The following FOXP1 variants were observed in gnomAD, a reference collection of about 807,000 sequenced individuals.
FOXP1 encodes the protein forkhead box P1, also known as forkhead box protein P1.
A neutral mutation model predicts 98.2 loss-of-function variants in FOXP1; 15 were observed. The ratio of observed to expected loss-of-function variants is 0.15; its 90% CI spans 0.10 to 0.24. The LOEUF is 0.24. Ranked by LOEUF, FOXP1 falls within the 10% of genes least tolerant of loss-of-function variation. The pLI is 1.00. For missense variants in FOXP1, 633 were observed against 848.5 expected (o/e 0.75, Z 3.15); for synonymous variants, 371 against 314.5 (o/e 1.18, Z -1.90).
Position 71,174,282 on chromosome 3 carries a change from T to A in FOXP1, c.180+23920A>T, listed in dbSNP as rs1217421055. On this transcript the variant is annotated intron_variant, in intron 6 of 20. Transcript: ENST00000649528. ...CTTCCCAATAACTGATAGTGAGAAT[T>A]TAAGAGTAAGCTGGGTGCAGCGGCA... Among the ~76,000 whole-genome samples the A allele has an allele frequency of 2.6e-5, 4 of 152,004 alleles. No homozygotes were observed. In the East Asian group the frequency reaches 7.7e-4, roughly 29 times the overall value.
chr3:71,403,530 A>C (rs2082086345), intron 3 of FOXP1, among the ~76,000 whole-genome samples: 1 of 152,246 alleles, frequency 6.6e-6, no homozygotes, highest in African/African-American at 2.4e-5. Context: ...TTTATAGGAA[A>C]GAGTTTATTC....
At chr3:71,134,209 G>A (rs6784856) in intron 6 of FOXP1, among the ~76,000 whole-genome samples, 1,772 of 152,286 alleles carry the variant, frequency 0.012, 37 homozygotes, top group African/African-American at 0.04. Context: ...TAAGGTGGCC[G>A]TTAGAGCAGC....
upstream of FOXP1, chr3:71,583,831 C>G (rs1373177592): frequency 1.0e-6 from 1 of 987,786 alleles, no homozygotes; most frequent in Non-Finnish European, 1.2e-6. Flanking sequence ...GCGGCAGAGG[C>G]GCGGGCAGCA....
intron 2 of FOXP1, among the ~76,000 whole-genome samples, chr3:71,564,998 T>C (rs1578199593): frequency 6.6e-6 from 1 of 151,866 alleles, no homozygotes; most frequent in African/African-American, 2.4e-5. Flanking sequence ...GCCTGTAGTC[T>C]CAGAGGCAGG....
chr3:71,312,559 C>T (rs1166073862), intron 4 of FOXP1, among the ~76,000 whole-genome samples: 1 of 152,204 alleles, frequency 6.6e-6, no homozygotes, highest in African/African-American at 2.4e-5. Flanking sequence ...CTCAGTGGCT[C>T]ACACCTGCAA....
intron 3 of FOXP1, among the ~76,000 whole-genome samples, chr3:71,360,223 A>G (rs964636489): frequency 6.6e-6 from 1 of 152,222 alleles, no homozygotes; most frequent in African/African-American, 2.4e-5. Flanking sequence ...GCCTATCTCA[A>G]TGCACTCAGT....
At chr3:71,061,204 G>A (rs549995049) in intron 7 of FOXP1, among the ~76,000 whole-genome samples, 2 of 152,230 alleles carry the variant, frequency 1.3e-5, no homozygotes, top group East Asian at 1.9e-4. Context: ...CCAGAAATAC[G>A]CTGCTTCCAA....
chr3:71,169,104 T>C (rs530406718), intron 6 of FOXP1, among the ~76,000 whole-genome samples: 393 of 152,312 alleles, frequency 2.6e-3, no homozygotes, highest in Middle Eastern at 6.8e-3. Context: ...GGGTTAAGCA[T>C]AGATACCTGC....
At chr3:71,122,667 C>T (rs2058862816) in intron 6 of FOXP1, among the ~76,000 whole-genome samples, 1 of 152,148 alleles carries the variant, frequency 6.6e-6, no homozygotes, top group African/African-American at 2.4e-5. Flanking sequence ...TTTCTTGTTC[C>T]CAACTTTTCT....
At chr3:71,030,767 C>T (rs993278439) in intron 11 of FOXP1, among the ~76,000 whole-genome samples, 5 of 152,164 alleles carry the variant, frequency 3.3e-5, no homozygotes, top group Admixed American at 2.0e-4. Flanking sequence ...CTAATTTATT[C>T]AAACGCCACT....
chr3:71,301,767 T>C (rs930357434), intron 4 of FOXP1, among the ~76,000 whole-genome samples: 71 of 152,290 alleles, frequency 4.7e-4, no homozygotes, highest in African/African-American at 1.7e-3. Flanking sequence ...TTATCTCCAG[T>C]GCTGCATTTG....
chr3:71,581,619 TC>T lies in FOXP1; in HGVS notation c.-369del, dbSNP rs1056452253. ...GGAGGAGGCGCCGGCAGCACCATGGTCCCCGGCGCCGCTGCCGCTGCCCCCG... is the reference window on the plus strand; with the variant it reads ...GGAGGAGGCGCCGGCAGCACCATGGTCCCGGCGCCGCTGCCGCTGCCCCCG... On this transcript the variant is annotated 5_prime_UTR_variant, in exon 2 of 21. Coordinates refer to ENST00000649528, the MANE Select transcript of FOXP1 (RefSeq NM_001349338.3). 2 of 985,464 alleles carry T rather than the reference TC, an allele frequency of 2.0e-6. No homozygotes were observed. The highest frequency in any genetic ancestry group is 4.6e-5 in the South Asian group (1 of 21,520). 61.0% of individuals were successfully genotyped at this position (985,464 alleles called of 1,614,324 possible). A position where few individuals can be genotyped will look rare whatever the true frequency, so the allele number is the denominator to read the frequency against.
At chr3:71,050,674 A>C (rs1559817141) in intron 9 of FOXP1, among the ~76,000 whole-genome samples, 2 of 152,234 alleles carry the variant, frequency 1.3e-5, no homozygotes, top group African/African-American at 4.8e-5. Context: ...TGTGCTTCAA[A>C]AGTGGGTTTT....
At chr3:71,360,385 C>T (rs1434840866) in intron 3 of FOXP1, 1 of 152,114 alleles carries the variant, frequency 6.6e-6, no homozygotes, top group Non-Finnish European at 1.5e-5. Context: ...CAAAAGGAGA[C>T]TGTGACACAC....
At chr3:71,171,340 C>A (rs774720523) in intron 6 of FOXP1, among the ~76,000 whole-genome samples, 1 of 152,188 alleles carries the variant, frequency 6.6e-6, no homozygotes, top group African/African-American at 2.4e-5. Flanking sequence ...GACAGAAACT[C>A]TTTAAGTACC....
chr3:71,250,588 A>G (rs977535690), intron 5 of FOXP1, among the ~76,000 whole-genome samples: 1 of 152,228 alleles, frequency 6.6e-6, no homozygotes, highest in African/African-American at 2.4e-5. Context: ...CATATTCATT[A>G]AAAATTGTAT....
chr3:71,408,798 T>C (rs546570525), intron 3 of FOXP1, among the ~76,000 whole-genome samples: 1 of 152,284 alleles, frequency 6.6e-6, no homozygotes, highest in South Asian at 2.1e-4. Context: ...AGATCCCGGT[T>C]TCTAATTACT....
intron 6 of FOXP1, among the ~76,000 whole-genome samples, chr3:71,168,723 A>C (rs955938554): frequency 2.0e-5 from 3 of 152,236 alleles, no homozygotes; most frequent in African/African-American, 7.2e-5. Flanking sequence ...TGAACAGTGA[A>C]ATGTTTAACA....
At chr3:71,238,430 G>C (rs1341228409) in intron 5 of FOXP1, among the ~76,000 whole-genome samples, 1 of 151,948 alleles carries the variant, frequency 6.6e-6, no homozygotes, top group East Asian at 1.9e-4. Flanking sequence ...CTCTAAAGGG[G>C]TGTGGGGGGG....
Sources: allele counts gnomAD v4.1 joint callset (sites outside exome capture counted in the v4.1 genomes callset), GRCh38; gene constraint gnomAD v4.1.1; transcripts MANE v1.5; gene names NCBI Gene and HGNC (gene_info 2026-07-23, HGNC 2026-07-21).